The following GRK1 variants were observed in gnomAD, a reference collection of about 807,000 sequenced individuals.
GRK1 encodes rhodopsin kinase GRK1.
A neutral mutation model predicts 41.7 loss-of-function variants in GRK1; 28 were observed. The observed-to-expected ratio is 0.67, with a 90% confidence interval of 0.50 to 0.92. GRK1 has a LOEUF of 0.92. Among genes scored for constraint, GRK1 ranks in the 40% least tolerant of loss-of-function variants. The probability of loss-of-function intolerance (pLI) is 0.00; values close to 1 mark genes in which losing one functional copy is unlikely to be tolerated. For synonymous variants in GRK1, 327 were observed against 286.7 expected (o/e 1.14, Z -1.42); for missense variants, 703 against 671.2 (o/e 1.05, Z -0.52).
chr13:113,653,195 G>C, the GRK1 span: 94 of 1,404,736 alleles, frequency 6.7e-5, no homozygotes, highest in Admixed American at 1.3e-4. Flanking sequence ...CGAAGCTGTG[G>C]AGCCGTTTCA....
the GRK1 span, chr13:113,653,550 G>A: frequency 3.5e-5 from 27 of 775,334 alleles, no homozygotes; most frequent in African/African-American, 2.1e-4. Flanking sequence ...GAGCCTCCTC[G>A]GAGTAAACTG....
At chr13:113,659,533 G>T in the GRK1 span, among the ~76,000 whole-genome samples, 1 of 151,846 alleles carries the variant, frequency 6.6e-6, no homozygotes, top group South Asian at 2.1e-4. Context: ...AAATTCAAAT[G>T]GAATGATGTC....
At position 113,731,477 on chromosome 13, in the gene GRK1, G is replaced by T; in HGVS notation, c.1194+134G>T. On this transcript the variant is annotated intron_variant, in intron 5 of 6. Transcript: ENST00000335678. The surrounding 1 kb of genome is among the most constrained non-coding windows in gnomAD (Gnocchi z 5.6). Reference sequence around the variant, plus strand: ...TGGGCCCTGGGGTGGGGAGGGCACAGATTCACGTGCTGGGGTCTTGCTCCT... The same window carrying T: ...TGGGCCCTGGGGTGGGGAGGGCACATATTCACGTGCTGGGGTCTTGCTCCT... 1 of 1,285,008 alleles carries T rather than the reference G, an allele frequency of 7.8e-7. No homozygotes were observed. The highest frequency in any genetic ancestry group is 1.1e-6 in the Non-Finnish European group (1 of 947,728). The allele number at this position is 1,285,008 out of a possible 1,614,324, so 79.6% of individuals were successfully genotyped here.
At position 113,667,824 on chromosome 13, in the gene GRK1, C is replaced by A; in HGVS notation, c.438C>A (p.Phe146Leu). The A allele has an allele frequency of 6.3e-7, 1 of 1,595,896 alleles. No individual in the cohort carries two copies. Among genetic ancestry groups the A allele is most frequent in the Non-Finnish European group, 8.6e-7 (1 of 1,169,380 alleles). ...CTGTGGAGATCCAGGACGGGCTCTT[C>A]CAGCCCCTGCTGCAGGCCACCCTGG... Reference protein sequence around the residue: ...EGPVEIQDGLFQPLLQATLAH... With the variant: ...EGPVEIQDGLLQPLLQATLAH... Residue 146 changes from phenylalanine (F) to leucine (L), a missense_variant, in exon 1 of 7, where the codon TTC (phenylalanine) becomes TTA (leucine). Physicochemically the swap from Phe to Leu is conservative, Grantham distance 22 (BLOSUM62 0). Transcript: ENST00000335678. The surrounding 1 kb of genome is among the most constrained non-coding windows in gnomAD (Gnocchi z 7.5).
At chr13:113,670,320 C>T (rs1172600653) in intron 2 of GRK1, among the ~76,000 whole-genome samples, 1 of 152,188 alleles carries the variant, frequency 6.6e-6, no homozygotes, top group Non-Finnish European at 1.5e-5. Context: ...GGCCCCAGGC[C>T]CGTGCTGGGG....
At position 113,732,989 on chromosome 13, in the gene GRK1, G is replaced by A. The variant is rs1381689665; in HGVS notation, c.1300G>A (p.Asp434Asn). 2 of 1,537,126 alleles carry A rather than the reference G, an allele frequency of 1.3e-6. No individual in the cohort carries two copies. The highest frequency in any genetic ancestry group is 2.4e-5 in the East Asian group (1 of 40,920). The change falls in exon 6 of 7, where the codon GAC becomes AAC. Residue 434 changes from aspartate to asparagine, a missense_variant. Asp to Asn is a conservative substitution (Grantham distance 23). Transcript: ENST00000335678. ...CTTCTGCGAGGCGCTGCTGGAGAAG[G>A]ACCCGGAGAAGCGCCTGGGGTTCAG... ...KDFCEALLEK[D>N]PEKRLGFRDE...
At chr13:113,729,656 T>C (rs936672283) in intron 4 of GRK1, among the ~76,000 whole-genome samples, 1 of 152,204 alleles carries the variant, frequency 6.6e-6, no homozygotes, top group East Asian at 1.9e-4. Flanking sequence ...AAAGGTGACC[T>C]TGGCAGATGA....
chr13:113,650,249 C>T, the GRK1 span, among the ~76,000 whole-genome samples: 2 of 151,944 alleles, frequency 1.3e-5, no homozygotes, highest in Non-Finnish European at 2.9e-5. This position sits in a 1 kb window ranked among gnomAD's most constrained non-coding sequence, Gnocchi z 5.0. Flanking sequence ...GATACAAGAA[C>T]CTGGGCTTGG....
chr13:113,665,699 AG>A (rs1016632303), upstream of GRK1, among the ~76,000 whole-genome samples: 4 of 143,976 alleles, frequency 2.8e-5, no homozygotes, highest in Non-Finnish European at 6.0e-5. Flanking sequence ...CAGCTGTCTC[AG>A]GTGTGCCCCA....
chr13:113,657,608 C>G, the GRK1 span, among the ~76,000 whole-genome samples: 1 of 152,354 alleles, frequency 6.6e-6, no homozygotes, highest in East Asian at 1.9e-4. Flanking sequence ...GCGGGTGTCC[C>G]GGAAAGGGGC....
chr13:113,734,013 CATGT>C (rs1304212450), intron 6 of GRK1, among the ~76,000 whole-genome samples: 3 of 103,370 alleles, frequency 2.9e-5, no homozygotes, highest in Non-Finnish European at 3.8e-5. Context: ...CGTGTGCGTG[CATGT>C]GTGTGCGTGC....
chr13:113,733,597 AT>A (rs1166569908), intron 6 of GRK1, among the ~76,000 whole-genome samples: 2 of 134,682 alleles, frequency 1.5e-5, no homozygotes, highest in East Asian at 2.3e-4. Context: ...GTGTGTGTGC[AT>A]GTGTGCGCAT....
At chr13:113,723,245 TGTGA>T (rs1304724578) in intron 4 of GRK1, 88 bp downstream of exon 4, 8 of 621,442 alleles carry the variant, frequency 1.3e-5, no homozygotes, top group African/African-American at 1.1e-4. Flanking sequence ...TGCACATACA[TGTGA>T]GTTTGTGTAT....
the GRK1 span, chr13:113,650,262 AAC>A: frequency 1.4e-6 from 1 of 734,530 alleles, no homozygotes; most frequent in Non-Finnish European, 2.3e-6. This position sits in a 1 kb window ranked among gnomAD's most constrained non-coding sequence, Gnocchi z 5.0. Flanking sequence ...GGGCTTGGGA[AAC>A]ACGCAGAACG....
chr13:113,733,845 ATGTGTATGTGTGCATACG>A (rs2049970623), intron 6 of GRK1, among the ~76,000 whole-genome samples: 1 of 93,820 alleles, frequency 1.1e-5, no homozygotes, highest in Admixed American at 1.1e-4. Context: ...GTGCGTGTGC[ATGTGTATGTGTGCATACG>A]TGTGTGCGTG....
chr13:113,658,416 TTGTC>T, the GRK1 span, among the ~76,000 whole-genome samples: 2 of 152,218 alleles, frequency 1.3e-5, no homozygotes, highest in African/African-American at 2.4e-5. Context: ...GGCTGCAGCT[TTGTC>T]TGCTCTGATT....
the GRK1 span, among the ~76,000 whole-genome samples, chr13:113,656,539 AC>A: frequency 6.6e-6 from 1 of 152,122 alleles, no homozygotes; most frequent in African/African-American, 2.4e-5. Flanking sequence ...TGTTCAGGGC[AC>A]GCTGCAGTGC....
At chr13:113,733,795 A>C (rs1450585900) in intron 6 of GRK1, among the ~76,000 whole-genome samples, 1 of 47,646 alleles carries the variant, frequency 2.1e-5, no homozygotes, top group Non-Finnish European at 3.8e-5. Flanking sequence ...GCATGTGTGT[A>C]TGTGTATCTG....
chr13:113,672,212 G>A (rs2049862144), intron 3 of GRK1, among the ~76,000 whole-genome samples: 1 of 151,612 alleles, frequency 6.6e-6, no homozygotes, highest in African/African-American at 2.4e-5. Context: ...TGTTGTGTGT[G>A]GTGTGTGTGT....
Sources: allele counts gnomAD v4.1 joint callset (sites outside exome capture counted in the v4.1 genomes callset), GRCh38; gene constraint gnomAD v4.1.1; non-coding constraint Gnocchi (gnomAD v3.1); transcripts MANE v1.5; gene names NCBI Gene and HGNC (gene_info 2026-07-23, HGNC 2026-07-21).